SYNE1: variants seen among roughly 807,000 people sequenced by gnomAD.
The protein encoded by SYNE1 is spectrin repeat containing nuclear envelope protein 1.
SYNE1 carries 616 observed loss-of-function variants against 1,111.0 expected under a neutral mutation model. The ratio of observed to expected loss-of-function variants is 0.55; its 90% confidence interval spans 0.52 to 0.59. The LOEUF (loss-of-function observed/expected upper bound fraction) is 0.59. Among genes scored for constraint, SYNE1 ranks in the 20% least tolerant of loss-of-function variants. The probability of loss-of-function intolerance (pLI) is 0.00; values close to 1 mark genes in which losing one functional copy is unlikely to be tolerated. For synonymous variants in SYNE1, 3,855 were observed against 3,825.8 expected (o/e 1.01, Z -0.28); for missense variants, 10,006 against 10,417.0 (o/e 0.96, Z 1.72).
intron 32 of SYNE1, among the ~76,000 whole-genome samples, chr6:152,438,353 C>T (rs765179549): frequency 7.9e-5 from 12 of 152,016 alleles, no homozygotes; most frequent in Non-Finnish European, 1.5e-4. Context: ...TTTGAAAATG[C>T]TTATATACAT....
At chr6:152,507,240 A>G (rs1469262232) in intron 8 of SYNE1, among the ~76,000 whole-genome samples, 1 of 152,178 alleles carries the variant, frequency 6.6e-6, no homozygotes, top group Non-Finnish European at 1.5e-5. Flanking sequence ...AAGCCACCTC[A>G]AATTAGTTTT....
intron 131 of SYNE1, among the ~76,000 whole-genome samples, chr6:152,160,867 T>C (rs1460378376): frequency 1.3e-5 from 2 of 152,084 alleles, no homozygotes. Flanking sequence ...TGGCTTTGCT[T>C]TGTTTTACAT....
Position 152,347,041 on chromosome 6 carries a change from T to A in SYNE1, c.12078+18A>T. The A allele has an allele frequency of 6.2e-7, 1 of 1,613,668 alleles. No individual in the cohort carries two copies. On this transcript the variant is annotated intron_variant, in intron 73 of 145. Transcript: ENST00000367255. ...CCCATAATTCCTTGTCACTGTGGAA[T>A]GTTCTGGGGGCACTCACCCTCTGAG...
At chr6:152,164,557 A>G (rs188338869) in intron 130 of SYNE1, among the ~76,000 whole-genome samples, 2 of 152,314 alleles carry the variant, frequency 1.3e-5, no homozygotes, top group East Asian at 3.9e-4. Context: ...AGAGATAGAT[A>G]AATTAGTTTT....
chr6:152,605,002 AAGAAAGAGAGAG>A (rs1583282028), intron 3 of SYNE1, among the ~76,000 whole-genome samples: 5 of 24,914 alleles, frequency 2.0e-4, no homozygotes, highest in Admixed American at 4.9e-4. Context: ...GAAAGAAAGA[AAGAAAGAGAGAG>A]AGAGAGAGAG....
intron 3 of SYNE1, among the ~76,000 whole-genome samples, chr6:152,549,362 G>C (rs1595144532): frequency 6.6e-6 from 1 of 152,316 alleles, no homozygotes; most frequent in Non-Finnish European, 1.5e-5. Flanking sequence ...GAGAAAGCAT[G>C]AATTCTGATT....
intron 130 of SYNE1, chr6:152,167,768 G>A (rs1385781699): frequency 3.6e-6 from 2 of 556,174 alleles, no homozygotes; most frequent in East Asian, 5.0e-5. Flanking sequence ...AATAGCAGAT[G>A]ATGGACTAAC....
chr6:152,172,237 G>A (rs779055960), intron 130 of SYNE1, among the ~76,000 whole-genome samples: 7 of 152,122 alleles, frequency 4.6e-5, no homozygotes, highest in African/African-American at 1.4e-4. Context: ...TGGGACTGAC[G>A]AAAGTGTTTT....
intron 95 of SYNE1, among the ~76,000 whole-genome samples, chr6:152,288,874 C>T (rs2094453872): frequency 6.6e-6 from 1 of 152,168 alleles, no homozygotes; most frequent in African/African-American, 2.4e-5. Flanking sequence ...AAGCAGTCCT[C>T]TCCACTCATG....
intron 41 of SYNE1, among the ~76,000 whole-genome samples, chr6:152,414,881 A>G (rs576422228): frequency 6.6e-6 from 1 of 152,176 alleles, no homozygotes; most frequent in East Asian, 1.9e-4. Context: ...TTTCTTCCCA[A>G]GTATCATTCC....
chr6:152,401,440 A>G, intron 46 of SYNE1, 99 bp from the exon 47 acceptor site: 2 of 1,226,060 alleles, frequency 1.6e-6, no homozygotes, highest in Non-Finnish European at 1.2e-6. Context: ...TCAAAGCCAC[A>G]CAAGTCTCAT....
intron 74 of SYNE1, among the ~76,000 whole-genome samples, chr6:152,341,314 A>C (rs1175357815): frequency 6.6e-6 from 1 of 152,200 alleles, no homozygotes; most frequent in Non-Finnish European, 1.5e-5. Context: ...TATTTTATGA[A>C]CATATTTAAT....
rs2098418951 is a variant in SYNE1, at chr6:152,430,471, T to C, written c.4689+11A>G. Reference sequence around the variant, plus strand: ...ATATGTAAACTTAAGTATAGGTGGATCAATTCTTACCTTTCTAAGGTTCTC... The same window carrying C: ...ATATGTAAACTTAAGTATAGGTGGACCAATTCTTACCTTTCTAAGGTTCTC... On this transcript the variant is annotated intron_variant, in intron 35 of 145. Coordinates refer to ENST00000367255, the MANE Select transcript of SYNE1 (RefSeq NM_182961.4). 1 of 1,608,230 alleles carries C rather than the reference T, an allele frequency of 6.2e-7. No individual in the cohort carries two copies. Among genetic ancestry groups the C allele is most frequent in the Non-Finnish European group, 8.5e-7 (1 of 1,174,684 alleles).
intron 98 of SYNE1, among the ~76,000 whole-genome samples, chr6:152,274,240 AG>A (rs1278366448): frequency 6.6e-6 from 1 of 152,224 alleles, no homozygotes; most frequent in Non-Finnish European, 1.5e-5. Context: ...TGCATTTTCA[AG>A]TGTGTAAATC....
rs553147623 is a variant in SYNE1 at position 152,404,090 on chromosome 6, A to T, written c.6825+123T>A. Reference sequence around the variant, plus strand: ...TGTATCAGATATAGATATATACGAGATATAGATATATGAGATATATATATA... The same window carrying T: ...TGTATCAGATATAGATATATACGAGTTATAGATATATGAGATATATATATA... On this transcript the variant is annotated intron_variant, in intron 46 of 145. Transcript: ENST00000367255. 9 of 570,588 alleles carry T rather than the reference A, an allele frequency of 1.6e-5. 1 individual carries two copies. The African/African-American group carries it at 1.9e-4, about 12-fold the overall frequency. 35.3% of individuals were successfully genotyped at this position (570,588 alleles called of 1,614,324 possible).
intron 19 of SYNE1, 86 bp downstream of exon 19, chr6:152,463,267 C>G: frequency 6.3e-7 from 1 of 1,592,856 alleles, no homozygotes; most frequent in Admixed American, 1.7e-5. Flanking sequence ...AACCCGTGCT[C>G]TAAAAATAGC....
chr6:152,483,246 A>G lies in SYNE1; in HGVS notation c.1189T>C (p.Phe397Leu). 1 of 1,614,106 alleles carries G rather than the reference A, an allele frequency of 6.2e-7. No individual in the cohort carries two copies. The highest frequency in any genetic ancestry group is 2.2e-5 in the East Asian group (1 of 44,882). ...QSWDRVTSRLFDWHIQLDKSL... is the reference protein window; with the variant it reads ...QSWDRVTSRLLDWHIQLDKSL... ...TTATCAAGCTGTATATGCCAGTCAA[A>G]GAGCTAAAATTTAAAAAGCAGAAAA... The change falls in exon 14 of 146, where the codon TTT (phenylalanine) becomes CTT (leucine). Residue 397 changes from phenylalanine to leucine, a missense_variant. By Grantham distance (22) the Phe-to-Leu change is conservative (BLOSUM62 0). Coordinates refer to ENST00000367255, the MANE Select transcript of SYNE1 (RefSeq NM_182961.4).
rs746623465 is a variant in SYNE1, at chr6:152,352,117, C to T, written c.11490G>A (p.Gln3830=). The T allele has an allele frequency of 3.0e-5, 49 of 1,614,124 alleles. No individual in the cohort carries two copies. The highest frequency in any genetic ancestry group is 3.3e-4 in the Middle Eastern group (2 of 6,084). ...EFSDKCKALT[Q]WIAEYQEILH... ...GAATTTCCTGGTATTCTGCTATCCA[C>T]TGTGTCAGTGCTTTGCATTTATCTG... The change falls in exon 70 of 146, where the codon CAG becomes CAA. Residue 3830 remains glutamine (Q), a synonymous_variant. Coordinates refer to ENST00000367255, the MANE Select transcript of SYNE1 (RefSeq NM_182961.4).
intron 73 of SYNE1, 37 bp from the exon 74 acceptor site, chr6:152,344,264 GC>G: frequency 6.2e-7 from 1 of 1,613,544 alleles, no homozygotes; most frequent in African/African-American, 1.3e-5. Context: ...TATGAGAACT[GC>G]TTTCTACCTC....
Sources: allele counts gnomAD v4.1 joint callset (sites outside exome capture counted in the v4.1 genomes callset), GRCh38; gene constraint gnomAD v4.1.1; transcripts MANE v1.5; gene names NCBI Gene and HGNC (gene_info 2026-07-23, HGNC 2026-07-21).